Variants in SCN8A observed in about 807,000 individuals in gnomAD.
The protein encoded by SCN8A is sodium channel protein type 8 subunit alpha.
Under a neutral mutation model 184.1 loss-of-function variants are expected in SCN8A, and 30 were observed. The ratio of observed to expected loss-of-function variants is 0.16; its 90% CI spans 0.12 to 0.22. The LOEUF is 0.22. Among genes scored for constraint, SCN8A ranks in the 10% least tolerant of loss-of-function variants. SCN8A has a pLI of 1.00. For missense variants in SCN8A, 1,057 were observed against 2,498.9 expected (o/e 0.42, Z 12.30); for synonymous variants, 852 against 907.0 (o/e 0.94, Z 1.09).
intron 6 of SCN8A, among the ~76,000 whole-genome samples, chr12:51,693,576 C>T (rs1425692789): frequency 6.6e-6 from 1 of 152,160 alleles, no homozygotes; most frequent in Non-Finnish European, 1.5e-5. Flanking sequence ...TTCGAGGCTG[C>T]GTTGAGCTGT....
intron 1 of SCN8A, among the ~76,000 whole-genome samples, chr12:51,659,796 G>A (rs1379086817): frequency 6.6e-6 from 1 of 152,196 alleles, no homozygotes; most frequent in East Asian, 1.9e-4. Flanking sequence ...CTGATGACTG[G>A]TTGGGTATGG....
In SCN8A at chr12:51,662,865, T is replaced by C; in HGVS notation, c.48T>C (p.Pro16=). The change falls in exon 2 of 27, where the codon CCT becomes CCC. Residue 16 remains proline, a synonymous_variant. Coordinates refer to ENST00000627620, the MANE Select transcript of SCN8A (RefSeq NM_001330260.2). The part of the protein sequence containing the change: ...LAPPGPDSFK[P]FTPESLANIE... ...CACCAGGCCCTGATAGTTTCAAGCC[T>C]TTCACCCCTGAGTCACTGGCAAACA... The C allele has an allele frequency of 6.2e-7, 1 of 1,613,936 alleles. No homozygotes were observed. Among genetic ancestry groups the C allele is most frequent in the African/African-American group, 1.3e-5 (1 of 75,024 alleles).
intron 14 of SCN8A, among the ~76,000 whole-genome samples, chr12:51,755,060 A>C (rs775102877): frequency 6.6e-6 from 1 of 152,166 alleles, no homozygotes; most frequent in African/African-American, 2.4e-5. Flanking sequence ...CTGTATAACA[A>C]AACCAGTTTT....
chr12:51,611,176 G>A (rs1939711516), intron 1 of SCN8A, among the ~76,000 whole-genome samples: 1 of 151,588 alleles, frequency 6.6e-6, no homozygotes, highest in East Asian at 1.9e-4. Context: ...TGTTTTGTTA[G>A]GTTTATACCT....
At chr12:51,640,236 T>G (rs1237103997) in intron 1 of SCN8A, among the ~76,000 whole-genome samples, 11 of 126,810 alleles carry the variant, frequency 8.7e-5, no homozygotes, top group African/African-American at 2.4e-4. Context: ...TTTTTTTTTT[T>G]TTTTTTTTTT....
intron 26 of SCN8A, among the ~76,000 whole-genome samples, chr12:51,803,021 A>G (rs1938598185): frequency 1.3e-5 from 2 of 152,236 alleles, no homozygotes; most frequent in Non-Finnish European, 2.9e-5. Context: ...GAGGGACAGA[A>G]CTAATAGGAT....
At chr12:51,642,018 C>A (rs565700424) in intron 1 of SCN8A, among the ~76,000 whole-genome samples, 2 of 152,224 alleles carry the variant, frequency 1.3e-5, no homozygotes, top group African/African-American at 4.8e-5. Context: ...TACTTTTTGC[C>A]CGCATTGTAT....
intron 19 of SCN8A, among the ~76,000 whole-genome samples, chr12:51,772,920 T>A (rs996396657): frequency 6.6e-6 from 1 of 151,888 alleles, no homozygotes; most frequent in African/African-American, 2.4e-5. Flanking sequence ...ATTGAGACCA[T>A]CCCAGCTAAC....
chr12:51,666,537 TTC>T (rs1258254827), intron 2 of SCN8A, among the ~76,000 whole-genome samples: 1 of 152,180 alleles, frequency 6.6e-6, no homozygotes, highest in Non-Finnish European at 1.5e-5. Context: ...GGACATTCCT[TTC>T]TGTTTGTTCT....
rs369280937 is a variant in SCN8A at position 51,687,928 on chromosome 12, T to C, written c.614+709T>C. Among the ~76,000 whole-genome samples, 15 of 152,290 alleles carry C rather than the reference T, an allele frequency of 9.8e-5. No individual in the cohort carries two copies. In the South Asian group the frequency reaches 1.7e-3, roughly 17 times the overall value. On this transcript the variant is annotated intron_variant, in intron 5 of 26. Transcript: ENST00000627620. ...TTGAGAGTGTAGTGGGGGTGGTGTA[T>C]AGGTTTTGCATGTATGCATGATGTG...
At chr12:51,730,695 G>T (rs1206840376) in intron 12 of SCN8A, among the ~76,000 whole-genome samples, 1 of 152,022 alleles carries the variant, frequency 6.6e-6, no homozygotes, top group Non-Finnish European at 1.5e-5. Flanking sequence ...TTTCTTCTTT[G>T]TATTACAAAC....
At chr12:51,592,522 A>G (rs891767178) in intron 1 of SCN8A, among the ~76,000 whole-genome samples, 7 of 152,110 alleles carry the variant, frequency 4.6e-5, no homozygotes, top group East Asian at 1.9e-4. Context: ...GGAGATTCCA[A>G]GGTTCTGCAT....
At chr12:51,671,001 G>T (rs547328897) in intron 2 of SCN8A, among the ~76,000 whole-genome samples, 2 of 152,076 alleles carry the variant, frequency 1.3e-5, no homozygotes, top group Non-Finnish European at 2.9e-5. Context: ...ATAATGATAC[G>T]TGCATTAATG....
chr12:51,618,323 C>A (rs963710764), intron 1 of SCN8A, among the ~76,000 whole-genome samples: 3 of 151,968 alleles, frequency 2.0e-5, no homozygotes, highest in African/African-American at 7.2e-5. Context: ...CCTTCCCTTT[C>A]GTGTCTAGGG....
rs756753738 is a variant in SCN8A at position 51,721,734 on chromosome 12, C to T, written c.1824C>T (p.Arg608=). The T allele has an allele frequency of 2.5e-6, 4 of 1,600,830 alleles. No homozygotes were observed. The highest frequency in any genetic ancestry group is 2.3e-5 in the East Asian group (1 of 44,230). ...CCCTCTTCATCCCCATCCGGGCCCGCGAGCGCCGGAGCAGCTACAGCGGCT... is the reference window on the plus strand; with the variant it reads ...CCCTCTTCATCCCCATCCGGGCCCGTGAGCGCCGGAGCAGCTACAGCGGCT... ...RDSLFIPIRA[R]ERRSSYSGYS... The change falls in exon 12 of 27, where the codon CGC becomes CGT. Residue 608 remains arginine, a synonymous_variant. Coordinates refer to ENST00000627620, the MANE Select transcript of SCN8A (RefSeq NM_001330260.2).
intron 1 of SCN8A, among the ~76,000 whole-genome samples, chr12:51,601,479 C>T (rs566561349): frequency 6.6e-6 from 1 of 151,296 alleles, no homozygotes; most frequent in South Asian, 2.1e-4. Flanking sequence ...GGAAACTTCA[C>T]CCATAAGTGC....
intron 3 of SCN8A, among the ~76,000 whole-genome samples, chr12:51,684,604 G>A (rs940279213): frequency 2.6e-5 from 4 of 152,114 alleles, no homozygotes; most frequent in African/African-American, 9.7e-5. Context: ...ATTTCTTTCT[G>A]TGGCCAACTA....
At chr12:51,647,088 A>G (rs4761988) in intron 1 of SCN8A, among the ~76,000 whole-genome samples, 110,754 of 152,114 alleles carry the variant, frequency 0.73, 42,777 homozygotes, top group East Asian at 0.86. Flanking sequence ...ATGCACCAGT[A>G]GTCCCGGCCA....
chr12:51,780,806 C>A, intron 21 of SCN8A, 35 bp downstream of exon 21: 1 of 1,541,788 alleles, frequency 6.5e-7, no homozygotes, highest in Non-Finnish European at 8.7e-7. Context: ...CTTCTGCATG[C>A]CAGTGGAAAC....
Sources: gnomAD v4.1 joint callset for allele counts (sites outside exome capture counted in the v4.1 genomes callset) on GRCh38, gnomAD v4.1.1 for gene constraint, MANE v1.5 for transcripts, NCBI Gene and HGNC (gene_info 2026-07-23, HGNC 2026-07-21) for gene names.